DNPEP: variants seen among roughly 807,000 people sequenced by gnomAD.
The protein encoded by DNPEP is aspartyl aminopeptidase.
In DNPEP, 46 loss-of-function variants were observed where a neutral mutation model predicts 59.1. That is an observed-to-expected ratio of 0.78 (90% CI 0.61 to 0.99). The LOEUF (loss-of-function observed/expected upper bound fraction) is 0.99, where lower values mean the gene tolerates loss of function less well. Among genes scored for constraint, DNPEP ranks in the 50% least tolerant of loss-of-function variants. The pLI, the probability that DNPEP is intolerant of heterozygous loss-of-function variation, is 0.00. For missense variants in DNPEP, 617 were observed against 649.9 expected (o/e 0.95, Z 0.55); for synonymous variants, 229 against 242.2 (o/e 0.95, Z 0.50).
At chr2:219,375,685 C>T (rs974530825) in intron 13 of DNPEP, among the ~76,000 whole-genome samples, 1 of 152,270 alleles carries the variant, frequency 6.6e-6, no homozygotes, top group South Asian at 2.1e-4. Context: ...TCTCAGCCTC[C>T]CAAGTAGCTG....
intron 13 of DNPEP, among the ~76,000 whole-genome samples, chr2:219,377,277 CAAAAAAAAAAA>C (rs386392672): frequency 5.4e-4 from 36 of 66,100 alleles, no homozygotes; most frequent in East Asian, 1.0e-3. Flanking sequence ...CTCACTCTGT[CAAAAAAAAAAA>C]AAAAAAAAAA....
intron 1 of DNPEP, among the ~76,000 whole-genome samples, chr2:219,396,299 A>G (rs1182308958): frequency 6.6e-6 from 1 of 152,102 alleles, no homozygotes; most frequent in African/African-American, 2.4e-5. Flanking sequence ...ATTTAAGATA[A>G]ACAAGGGCTG....
At chr2:219,386,542 C>A in intron 4 of DNPEP, 123 bp downstream of exon 4, 1 of 1,469,142 alleles carries the variant, frequency 6.8e-7, no homozygotes, top group African/African-American at 1.4e-5. Context: ...AGGAAGGGGC[C>A]AACAAGTTTA....
At chr2:219,381,795 G>C (rs2125133858) in intron 11 of DNPEP, 184 bp downstream of exon 11, 1 of 849,154 alleles carries the variant, frequency 1.2e-6, no homozygotes, top group Non-Finnish European at 1.9e-6. Context: ...CACACACCTG[G>C]GTTAGGCATT....
chr2:219,381,859 C>T, intron 11 of DNPEP, 120 bp downstream of exon 11: 1 of 1,301,310 alleles, frequency 7.7e-7, no homozygotes, highest in Non-Finnish European at 1.1e-6. Context: ...TGCCCGTGAA[C>T]CTCCCGGCAG....
intron 6 of DNPEP, 85 bp from the exon 7 acceptor site, chr2:219,385,791 G>A: frequency 7.0e-7 from 1 of 1,421,858 alleles, no homozygotes; most frequent in Non-Finnish European, 9.6e-7. Context: ...CTCCTGATGG[G>A]CAACTGCCTC....
intron 9 of DNPEP, among the ~76,000 whole-genome samples, chr2:219,383,595 G>A (rs1408109857): frequency 6.6e-6 from 1 of 151,906 alleles, no homozygotes; most frequent in African/African-American, 2.4e-5. Context: ...GCAAAAGGCA[G>A]TAGAAGATGT....
In DNPEP at chr2:219,386,646, C is replaced by A; in HGVS notation, c.333+19G>T. The A allele has an allele frequency of 6.2e-7, 1 of 1,600,432 alleles. No homozygotes were observed. Among genetic ancestry groups the A allele is most frequent in the Non-Finnish European group, 8.5e-7 (1 of 1,173,580 alleles). ...CCTCTGACATCTCCTCCCACCCCAA[C>A]ACCGTCCGAGTTCCTTACCCGGAGG... On this transcript the variant is annotated intron_variant, in intron 4 of 14. Transcript: ENST00000273075.
upstream of DNPEP, among the ~76,000 whole-genome samples, chr2:219,389,470 G>T (rs1312892541): frequency 6.6e-6 from 1 of 152,154 alleles, no homozygotes. Context: ...TATGGCAGGG[G>T]AGTTTTCAAG....
intron 13 of DNPEP, among the ~76,000 whole-genome samples, chr2:219,377,749 A>G (rs945234317): frequency 1.3e-5 from 2 of 152,012 alleles, no homozygotes; most frequent in East Asian, 1.9e-4. Flanking sequence ...CATAGCAAGA[A>G]CCCCATTTTT....
Position 219,374,893 on chromosome 2 carries a change from A to G in DNPEP, c.1369T>C (p.Cys457Arg). Residue 457 changes from cysteine to arginine, a missense_variant, in exon 14 of 15, where the codon TGC becomes CGC. Physicochemically the swap from Cys to Arg is radical, Grantham distance 180. Coordinates refer to ENST00000273075, the MANE Select transcript of DNPEP (RefSeq NM_012100.4). ...AGGGTCTGGAGGACTCCTGTGGTGC[A>G]GGCCATCTCCCGGATAGAGTGCATG... ...LAMHSIREMA[C>R]TTGVLQTLTL... 6.2e-7 allele frequency: 1 copy of G among 1,614,216 alleles called. No individual in the cohort carries two copies. The highest frequency in any genetic ancestry group is 8.5e-7 in the Non-Finnish European group (1 of 1,180,040).
chr2:219,399,904 T>C (rs1480008786), intron 1 of DNPEP: 1 of 1,550,418 alleles, frequency 6.4e-7, no homozygotes, highest in Non-Finnish European at 8.7e-7. Flanking sequence ...GGGACGAACA[T>C]GATGGAGAGG....
chr2:219,382,663 G>A (rs559345767), intron 10 of DNPEP, among the ~76,000 whole-genome samples: 6 of 152,252 alleles, frequency 3.9e-5, no homozygotes, highest in African/African-American at 1.4e-4. Context: ...GTGTAGACAT[G>A]ATGGCCAGAG....
Position 219,385,531 on chromosome 2 carries a change from C to T in DNPEP, c.667G>A (p.Asp223Asn), listed in dbSNP as rs771951568. 4 of 1,603,826 alleles carry T rather than the reference C, an allele frequency of 2.5e-6. No individual in the cohort carries two copies. The highest frequency in any genetic ancestry group is 3.3e-5 in the Admixed American group (2 of 59,754). ...TPEPGPLNAV[D>N]ERHHSVLMSL... is the part of the protein sequence containing the mutation. ...ATGAGGACCGAATGGTGCCGCTCAT[C>T]CTGAAGAGCAGAAAGATGCTGGGAA... is the stretch of plus-strand genomic sequence containing the variant. Residue 223 changes from aspartate to asparagine, a missense_variant and splice_region_variant, in exon 8 of 15, where the codon GAT becomes AAT. Asp to Asn is a conservative substitution (Grantham distance 23). Coordinates refer to ENST00000273075, the MANE Select transcript of DNPEP (RefSeq NM_012100.4).
intron 13 of DNPEP, 113 bp from the exon 14 acceptor site, chr2:219,375,135 G>T: frequency 1.7e-6 from 2 of 1,147,060 alleles, no homozygotes; most frequent in Non-Finnish European, 2.5e-6. Context: ...GGTCCATTCG[G>T]AGCATAAAAT....
upstream of DNPEP, chr2:219,389,150 T>A (rs541602836): frequency 6.6e-6 from 1 of 152,430 alleles, no homozygotes; most frequent in Non-Finnish European, 1.5e-5. Flanking sequence ...CTCTGATATC[T>A]GTGCCCTTTC....
chr2:219,388,032 G>T, upstream of DNPEP: 3 of 905,654 alleles, frequency 3.3e-6, no homozygotes, highest in African/African-American at 2.3e-5. Context: ...TGTCCGCTCC[G>T]CCCCTCGCTG....
chr2:219,374,880 A>G lies in DNPEP; in HGVS notation c.1382T>C (p.Val461Ala). The G allele has an allele frequency of 6.2e-7, 1 of 1,613,836 alleles. No individual in the cohort carries two copies. Among genetic ancestry groups the G allele is most frequent in the Non-Finnish European group, 8.5e-7 (1 of 1,179,946 alleles). Reference sequence around the variant, plus strand: ...CTTGAAGAGGGTGAGGGTCTGGAGGACTCCTGTGGTGCAGGCCATCTCCCG... The same window carrying G: ...CTTGAAGAGGGTGAGGGTCTGGAGGGCTCCTGTGGTGCAGGCCATCTCCCG... ...SIREMACTTG[V>A]LQTLTLFKGF... Residue 461 changes from valine to alanine, a missense_variant, in exon 14 of 15, where the codon GTC becomes GCC. Coordinates refer to ENST00000273075, the MANE Select transcript of DNPEP (RefSeq NM_012100.4).
intron 14 of DNPEP, 21 bp downstream of exon 14, chr2:219,374,834 A>G (rs746617109): frequency 1.2e-6 from 2 of 1,603,368 alleles, no homozygotes; most frequent in African/African-American, 2.7e-5. Flanking sequence ...GCTGCCAGAG[A>G]GGGTCTGGGG....
Sources: gnomAD v4.1 joint callset for allele counts (sites outside exome capture counted in the v4.1 genomes callset) on GRCh38, gnomAD v4.1.1 for gene constraint, MANE v1.5 for transcripts, NCBI Gene and HGNC (gene_info 2026-07-23, HGNC 2026-07-21) for gene names.